KCNK2: variants seen among roughly 807,000 people sequenced by gnomAD.
KCNK2 encodes potassium two pore domain channel subfamily K member 2.
A neutral mutation model predicts 40.5 loss-of-function variants in KCNK2; 21 were observed. The observed-to-expected ratio is 0.52, with a 90% CI of 0.37 to 0.75. KCNK2 has a LOEUF of 0.75. KCNK2 is among the 30% of genes least tolerant of loss of function. The probability of loss-of-function intolerance (pLI) is 0.00; values close to 1 mark genes in which losing one functional copy is unlikely to be tolerated. For synonymous variants in KCNK2, 191 were observed against 202.2 expected (o/e 0.94, Z 0.47); for missense variants, 399 against 531.6 (o/e 0.75, Z 2.45).
intron 5 of KCNK2, among the ~76,000 whole-genome samples, chr1:215,173,209 A>T (rs1663800810): frequency 6.6e-6 from 1 of 152,064 alleles, no homozygotes; most frequent in African/African-American, 2.4e-5. Flanking sequence ...TATGAGTGAG[A>T]ACAGGCACTG....
intron 1 of KCNK2, among the ~76,000 whole-genome samples, chr1:215,060,518 A>G (rs1658329922): frequency 6.6e-6 from 1 of 152,238 alleles, no homozygotes; most frequent in Non-Finnish European, 1.5e-5. Flanking sequence ...TTATTGGCTC[A>G]AAAATATACT....
intron 3 of KCNK2, among the ~76,000 whole-genome samples, chr1:215,137,906 A>G (rs1027108030): frequency 2.6e-5 from 4 of 152,194 alleles, no homozygotes; most frequent in African/African-American, 9.6e-5. Context: ...ACAGCTGGAT[A>G]AGCTTTAAGA....
At chr1:215,177,038 G>A (rs1664006803) in intron 5 of KCNK2, among the ~76,000 whole-genome samples, 1 of 152,102 alleles carries the variant, frequency 6.6e-6, no homozygotes. Flanking sequence ...ATTCTGACTG[G>A]CATGGAATGG....
rs2102526519 is a variant in KCNK2 at position 215,083,435 on chromosome 1, A to G, written c.46+4A>G. 4 of 1,607,764 alleles carry G rather than the reference A, an allele frequency of 2.5e-6. No individual in the cohort carries two copies. The East Asian group carries it at 8.9e-5, about 36-fold the overall frequency. On this transcript the variant is annotated splice_donor_region_variant and intron_variant, in intron 1 of 6. Transcript: ENST00000444842. ...AGACCCGGCTATAGAGCAGGAGGTG[A>G]GACCCCCCCTCCGGTACCCCCACCC...
intron 1 of KCNK2, among the ~76,000 whole-genome samples, chr1:215,023,725 T>C (rs893179161): frequency 1.3e-5 from 2 of 152,230 alleles, no homozygotes; most frequent in African/African-American, 4.8e-5. Context: ...AATTGCACAA[T>C]TTTAAAAATA....
At chr1:215,096,563 G>A (rs938619757) in intron 2 of KCNK2, among the ~76,000 whole-genome samples, 1 of 151,892 alleles carries the variant, frequency 6.6e-6, no homozygotes, top group Non-Finnish European at 1.5e-5. Context: ...TTAATACAGT[G>A]GGGTTCTGAC....
Position 215,083,194 on chromosome 1 carries a change from T to TCCCACCCCCCCCC in KCNK2, c.-189_-188insACCCCCCCCCCCC. 2.0e-6 allele frequency: 1 copy of TCCCACCCCCCCCC among 501,814 alleles called. No homozygotes were observed. The highest frequency in any genetic ancestry group is 3.3e-6 in the Non-Finnish European group (1 of 301,554). The allele number at this position is 501,814 out of a possible 1,614,324, so 31.1% of individuals were successfully genotyped here. A position where few individuals can be genotyped will look rare whatever the true frequency, so the allele number is the denominator to read the frequency against. ...CCCGCGATTTCGTTTCTTCTCACGC[T>TCCCACCCCCCCCC]CCCCCCCCCGCCCCCTCCCGCGTCC... On this transcript the variant is annotated 5_prime_UTR_variant, in exon 1 of 7. Transcript: ENST00000444842.
At chr1:215,109,566 TTG>T (rs138414671) in intron 2 of KCNK2, among the ~76,000 whole-genome samples, 16 of 149,768 alleles carry the variant, frequency 1.1e-4, no homozygotes, top group East Asian at 3.9e-4. Context: ...TGAGTATTAT[TTG>T]TGTGTGTGTG....
At position 215,124,740 on chromosome 1, in the gene KCNK2, T is replaced by C. The variant is rs1661342916; in HGVS notation, c.465T>C (p.Ile155=). The C allele has an allele frequency of 6.3e-7, 1 of 1,583,172 alleles. No homozygotes were observed. The highest frequency in any genetic ancestry group is 1.3e-5 in the African/African-American group (1 of 74,284). The change falls in exon 3 of 7, where the codon ATT becomes ATC. Residue 155 remains isoleucine (I), a synonymous_variant. Coordinates refer to ENST00000444842, the MANE Select transcript of KCNK2 (RefSeq NM_001017425.3). ...GSSFFFAGTV[I]TTIGFGNISP... ...CCTTCTTCTTTGCTGGCACTGTTAT[T>C]ACAACCATAGGTAGGAGACAACTTA... is the stretch of plus-strand genomic sequence containing the variant.
At chr1:215,073,679 T>C (rs938334067) in intron 1 of KCNK2, among the ~76,000 whole-genome samples, 1 of 152,118 alleles carries the variant, frequency 6.6e-6, no homozygotes, top group African/African-American at 2.4e-5. Flanking sequence ...GGGCCCTATA[T>C]AGCAAGGTGT....
At chr1:215,077,517 C>T (rs1434757756) in intron 1 of KCNK2, among the ~76,000 whole-genome samples, 1 of 152,160 alleles carries the variant, frequency 6.6e-6, no homozygotes, top group Non-Finnish European at 1.5e-5. Flanking sequence ...CACCTTCTAC[C>T]TGTTCTGCAC....
At chr1:215,160,972 A>C (rs1663167651) in intron 3 of KCNK2, among the ~76,000 whole-genome samples, 1 of 152,114 alleles carries the variant, frequency 6.6e-6, no homozygotes, top group South Asian at 2.1e-4. Flanking sequence ...GGTATCCCCC[A>C]GACCTGGTCA....
At position 215,083,221 on chromosome 1, in the gene KCNK2, G is replaced by GGCCCCCCCC; in HGVS notation, c.-165_-164insGCCCCCCCC. 1 of 537,722 alleles carries GGCCCCCCCC rather than the reference G, an allele frequency of 1.9e-6. No homozygotes were observed. Among genetic ancestry groups the GGCCCCCCCC allele is most frequent in the Non-Finnish European group, 2.7e-6 (1 of 372,914 alleles). The allele number at this position is 537,722 out of a possible 1,614,324, so 33.3% of individuals were successfully genotyped here. A position where few individuals can be genotyped will look rare whatever the true frequency, so the allele number is the denominator to read the frequency against. ...CCCCCCCCGCCCCCTCCCGCGTCCA[G>GGCCCCCCCC]CCCCGCTCTCCCCACCTTGTAAAAC... On this transcript the variant is annotated 5_prime_UTR_variant, in exon 1 of 7. Transcript: ENST00000444842.
chr1:215,227,930 A>C (rs1173104801), intron 6 of KCNK2, among the ~76,000 whole-genome samples: 1 of 149,064 alleles, frequency 6.7e-6, no homozygotes, highest in African/African-American at 2.5e-5. Context: ...TAGGAAACTT[A>C]GTGGTACCAT....
chr1:215,090,693 T>A (rs1214990206), intron 2 of KCNK2, among the ~76,000 whole-genome samples: 4 of 152,192 alleles, frequency 2.6e-5, no homozygotes, highest in Non-Finnish European at 5.9e-5. Context: ...ATCTATATAT[T>A]GACAATAAAA....
At chr1:215,124,796 A>G in intron 3 of KCNK2, 46 bp downstream of exon 3, 1 of 1,116,036 alleles carries the variant, frequency 9.0e-7, no homozygotes, top group Non-Finnish European at 1.4e-6. Flanking sequence ...ACCGTTTGTG[A>G]GCTAAAATCC....
intron 2 of KCNK2, among the ~76,000 whole-genome samples, chr1:215,122,034 T>A (rs1661210624): frequency 6.6e-6 from 1 of 152,066 alleles, no homozygotes; most frequent in Admixed American, 6.6e-5. Context: ...GTGCAGAGGA[T>A]TGGCAATATA....
chr1:215,214,083 C>T (rs533742365), intron 6 of KCNK2, among the ~76,000 whole-genome samples: 8 of 152,192 alleles, frequency 5.3e-5, no homozygotes, highest in Admixed American at 4.6e-4. Context: ...CCATGGTTGG[C>T]GTCGTATTAG....
chr1:215,111,315 A>G lies in KCNK2; in HGVS notation c.358-13318A>G, dbSNP rs1660674658. Among the ~76,000 whole-genome samples, 3 of 152,252 alleles carry G rather than the reference A, an allele frequency of 2.0e-5. No individual in the cohort carries two copies. The South Asian group carries it at 6.2e-4, about 32-fold the overall frequency. On this transcript the variant is annotated intron_variant, in intron 2 of 6. Transcript: ENST00000444842. ...TGTCTTGTTCCTGATCTTAAAAGAAAAGCTTCAGTTTTTCACCATTGAGTA... is the reference window on the plus strand; with the variant it reads ...TGTCTTGTTCCTGATCTTAAAAGAAGAGCTTCAGTTTTTCACCATTGAGTA...
Sources: gnomAD v4.1 joint callset for allele counts (sites outside exome capture counted in the v4.1 genomes callset) on GRCh38, gnomAD v4.1.1 for gene constraint, MANE v1.5 for transcripts, NCBI Gene and HGNC (gene_info 2026-07-23, HGNC 2026-07-21) for gene names.